Variants in MPP2 observed in about 807,000 individuals in gnomAD.
MPP2 encodes MAGUK p55 scaffold protein 2.
A neutral mutation model predicts 58.5 loss-of-function variants in MPP2; 42 were observed. That is an observed-to-expected ratio of 0.72 (90% CI 0.56 to 0.93). The LOEUF (loss-of-function observed/expected upper bound fraction) is 0.93. MPP2 is among the 40% of genes least tolerant of loss of function. The pLI is 0.00. For synonymous variants in MPP2, 300 were observed against 307.8 expected (o/e 0.97, Z 0.26); for missense variants, 632 against 760.4 (o/e 0.83, Z 1.99).
rs1451253444 is a variant in MPP2 at position 43,877,675 on chromosome 17, G to A, written c.*132C>T. On this transcript the variant is annotated 3_prime_UTR_variant, in exon 13 of 13. Coordinates refer to ENST00000269095, the MANE Select transcript of MPP2 (RefSeq NM_005374.5). Reference sequence around the variant, plus strand: ...TGTGCTGAAGCCAGACTTAGGGCCTGCTGGGAGCTGTTACCCAAGGACAGC... The same window carrying A: ...TGTGCTGAAGCCAGACTTAGGGCCTACTGGGAGCTGTTACCCAAGGACAGC... 2.5e-6 allele frequency: 2 copies of A among 790,602 alleles called. No individual in the cohort carries two copies. The highest frequency in any genetic ancestry group is 3.4e-5 in the African/African-American group (2 of 58,584). 49.0% of individuals were successfully genotyped at this position (790,602 alleles called of 1,614,324 possible). A position where few individuals can be genotyped will look rare whatever the true frequency, so the allele number is the denominator to read the frequency against.
chr17:43,907,073 G>A (rs1004751243), intron 1 of MPP2: 13 of 759,632 alleles, frequency 1.7e-5, no homozygotes, highest in Non-Finnish European at 2.1e-5. Flanking sequence ...CCGGGACCCA[G>A]CGCAACCTCT....
rs200286143 is a variant in MPP2, at chr17:43,881,443, G to A, written c.813+15C>T. 4.3e-6 allele frequency: 7 copies of A among 1,613,992 alleles called. No individual in the cohort carries two copies. Among genetic ancestry groups the A allele is most frequent in the Admixed American group, 1.7e-5 (1 of 60,006 alleles). On this transcript the variant is annotated intron_variant, in intron 7 of 12. Transcript: ENST00000269095. The stretch of plus-strand genomic sequence containing the variant: ...GCACCATACCTGGAGAGATGCGGGG[G>A]TGCCCGCAGCTCACCTGCCACCAGT...
At chr17:43,883,439 G>A in intron 3 of MPP2, 84 bp from the exon 4 acceptor site, 4 of 1,473,130 alleles carry the variant, frequency 2.7e-6, no homozygotes, top group Non-Finnish European at 3.6e-6. Context: ...TCAGCCCCCA[G>A]GCATTTTCCC....
intron 1 of MPP2, 197 bp downstream of exon 1, chr17:43,907,277 G>T: frequency 4.1e-6 from 4 of 985,572 alleles, no homozygotes; most frequent in Non-Finnish European, 4.8e-6. Flanking sequence ...AATGGGCAGC[G>T]GGGCTTGGTT....
intron 3 of MPP2, among the ~76,000 whole-genome samples, chr17:43,895,941 T>A (rs932238030): frequency 6.6e-6 from 1 of 152,222 alleles, no homozygotes; most frequent in Non-Finnish European, 1.5e-5. Context: ...CAACTTTTCA[T>A]CTTTCGCTGT....
upstream of MPP2, among the ~76,000 whole-genome samples, chr17:43,908,428 A>C (rs1006908075): frequency 6.6e-6 from 1 of 152,160 alleles, no homozygotes; most frequent in African/African-American, 2.4e-5. Context: ...CTGGATTCCT[A>C]AGATCATAAA....
At chr17:43,888,241 A>G (rs1356029342) in intron 3 of MPP2, among the ~76,000 whole-genome samples, 1 of 152,150 alleles carries the variant, frequency 6.6e-6, no homozygotes, top group African/African-American at 2.4e-5. Context: ...ACATGGCCCC[A>G]CAGCCTCCCA....
In MPP2 at chr17:43,879,364, C is replaced by T. The variant is rs371724565; in HGVS notation, c.1393G>A (p.Val465Met). The part of the protein sequence containing the change: ...VLRTAEFVPY[V>M]VFIEAPDFET... ...AAGTCTGGGGCCTCGATGAACACCA[C>T]GTAAGGGACAAACTCGGCCGTTCGT... is the stretch of plus-strand genomic sequence containing the variant. Residue 465 changes from valine to methionine, a missense_variant, in exon 12 of 13, where the codon GTG becomes ATG. Physicochemically the swap from Val to Met is conservative, Grantham distance 21. Transcript: ENST00000269095. This position sits in a 1 kb window ranked among gnomAD's most constrained non-coding sequence, Gnocchi z 4.1. 16 of 1,614,062 alleles carry T rather than the reference C, an allele frequency of 9.9e-6. No individual in the cohort carries two copies. The highest frequency in any genetic ancestry group is 1.4e-5 in the Non-Finnish European group (16 of 1,180,026).
At position 43,880,676 on chromosome 17, in the gene MPP2, C is replaced by T. The variant is rs752744639; in HGVS notation, c.1150+15G>A. On this transcript the variant is annotated intron_variant, in intron 10 of 12. Transcript: ENST00000269095. This position sits in a 1 kb window ranked among gnomAD's most constrained non-coding sequence, Gnocchi z 5.2. ...CTCCTTGTCCCCAACTCAGCAGGGC[C>T]CAGCTCCCACTCACAGGGCACCGTG... is the stretch of plus-strand genomic sequence containing the variant. 38 of 1,595,250 alleles carry T rather than the reference C, an allele frequency of 2.4e-5. No homozygotes were observed. Among genetic ancestry groups the T allele is most frequent in the South Asian group, 3.4e-5 (3 of 88,598 alleles).
Position 43,898,342 on chromosome 17 carries a change from T to C in MPP2, c.70A>G (p.Ser24Gly), listed in dbSNP as rs762717657. The change falls in exon 3 of 13, where the codon AGT (serine) becomes GGT (glycine). Residue 24 changes from serine (S) to glycine (G), a missense_variant. By Grantham distance (56) the Ser-to-Gly change is moderately conservative. Transcript: ENST00000269095. ...TCCAGCTCTGCAGCCCCCGTGGCACTGGGGAGGGATCCCAAGTTGTCCAGG... is the reference window on the plus strand; with the variant it reads ...TCCAGCTCTGCAGCCCCCGTGGCACCGGGGAGGGATCCCAAGTTGTCCAGG... ...QVLDNLGSLPSATGAAELDLI... is the reference protein window; with the variant it reads ...QVLDNLGSLPGATGAAELDLI... The C allele has an allele frequency of 6.2e-7, 1 of 1,614,138 alleles. No individual in the cohort carries two copies. The highest frequency in any genetic ancestry group is 2.2e-5 in the East Asian group (1 of 44,886).
chr17:43,901,361 G>C (rs1469573094), intron 2 of MPP2: 1 of 985,400 alleles, frequency 1.0e-6, no homozygotes, highest in Admixed American at 6.1e-5. Flanking sequence ...TGATGCCCAG[G>C]AAGCAAGTCA....
chr17:43,881,766 CTAG>C (rs2047135532), intron 6 of MPP2, among the ~76,000 whole-genome samples, 177 bp from the exon 7 acceptor site: 6 of 152,174 alleles, frequency 3.9e-5, no homozygotes, highest in Admixed American at 3.9e-4. Flanking sequence ...CCCTTTGCAT[CTAG>C]TACTACAGGA....
intron 3 of MPP2, among the ~76,000 whole-genome samples, chr17:43,896,923 C>A (rs576782159): frequency 2.6e-5 from 4 of 152,102 alleles, no homozygotes; most frequent in Non-Finnish European, 2.9e-5. Flanking sequence ...CCACCTCCCC[C>A]CCTCAGGAGA....
chr17:43,906,047 A>T (rs231482), intron 1 of MPP2: 3 of 948,534 alleles, frequency 3.2e-6, no homozygotes, highest in East Asian at 1.2e-4. Flanking sequence ...GGGAGGAGGG[A>T]TCCCTTCCCT....
intron 3 of MPP2, among the ~76,000 whole-genome samples, chr17:43,890,209 C>T (rs1195335132): frequency 6.6e-6 from 1 of 152,062 alleles, no homozygotes; most frequent in Non-Finnish European, 1.5e-5. Flanking sequence ...AATTATTTCC[C>T]TTACTGCTTT....
chr17:43,905,943 AC>A (rs2048270088), intron 1 of MPP2: 1 of 230,738 alleles, frequency 4.3e-6, no homozygotes. Context: ...GAGGAAGGGC[AC>A]CCCTATTCAG....
At chr17:43,900,766 G>T in intron 2 of MPP2, 1 of 415,840 alleles carries the variant, frequency 2.4e-6, no homozygotes, top group Non-Finnish European at 3.2e-6. Flanking sequence ...TAACCCGGGT[G>T]GGAGAAGAGT....
At chr17:43,907,186 A>G in intron 1 of MPP2, 1 of 985,470 alleles carries the variant, frequency 1.0e-6, no homozygotes, top group Non-Finnish European at 1.2e-6. Context: ...GGCCGCGCAG[A>G]TACCGGGGCC....
At chr17:43,883,459 C>G in intron 3 of MPP2, 104 bp from the exon 4 acceptor site, 1 of 1,264,208 alleles carries the variant, frequency 7.9e-7, no homozygotes, top group African/African-American at 1.5e-5. Context: ...CCATCCCACC[C>G]CCCAGCCCCC....
Sources: allele counts gnomAD v4.1 joint callset (sites outside exome capture counted in the v4.1 genomes callset), GRCh38; gene constraint gnomAD v4.1.1; non-coding constraint Gnocchi (gnomAD v3.1); transcripts MANE v1.5; gene names NCBI Gene and HGNC (gene_info 2026-07-23, HGNC 2026-07-21).